BANK1: variants seen among roughly 807,000 people sequenced by gnomAD.
BANK1 encodes the protein B cell scaffold protein with ankyrin repeats 1.
In BANK1, 95 loss-of-function variants were observed where a neutral mutation model predicts 94.5. The ratio of observed to expected loss-of-function variants is 1.00; its 90% CI spans 0.85 to 1.19. The LOEUF (loss-of-function observed/expected upper bound fraction) is 1.19, where lower values mean the gene tolerates loss of function less well. BANK1 is among the 50% of genes most tolerant of loss of function. BANK1 has a pLI of 0.00. For synonymous variants in BANK1, 334 were observed against 308.4 expected, an observed-to-expected ratio of 1.08 and a Z score of -0.87; for missense variants, 987 against 932.2, an observed-to-expected ratio of 1.06 and a Z score of -0.77.
At chr4:101,870,737 G>A (rs1728254928) in intron 5 of BANK1, 93 bp downstream of exon 5, 2 of 1,405,516 alleles carry the variant, frequency 1.4e-6, no homozygotes, top group East Asian at 2.5e-5. Flanking sequence ...GTTTGAATGT[G>A]GATTGAATAA....
intron 5 of BANK1, among the ~76,000 whole-genome samples, chr4:101,875,527 C>G (rs984871689): frequency 5.9e-5 from 9 of 152,016 alleles, no homozygotes; most frequent in Non-Finnish European, 1.2e-4. Flanking sequence ...ATTTTTAAAC[C>G]ATCAGATCTC....
intron 13 of BANK1, among the ~76,000 whole-genome samples, 179 bp from the exon 14 acceptor site, chr4:102,071,096 G>T (rs1272183227): frequency 2.6e-5 from 4 of 152,072 alleles, no homozygotes; most frequent in Non-Finnish European, 5.9e-5. Context: ...AAAAGGCATG[G>T]TTTCACTCAC....
At chr4:102,009,835 A>G (rs1425181982) in intron 7 of BANK1, among the ~76,000 whole-genome samples, 1 of 152,164 alleles carries the variant, frequency 6.6e-6, no homozygotes, top group Non-Finnish European at 1.5e-5. Flanking sequence ...TATATCATAT[A>G]AATTATACAT....
At chr4:102,053,512 A>G (rs1316351907) in intron 11 of BANK1, among the ~76,000 whole-genome samples, 1 of 152,132 alleles carries the variant, frequency 6.6e-6, no homozygotes, top group African/African-American at 2.4e-5. Flanking sequence ...TAAGAAGTTT[A>G]TATTTAGTCA....
At chr4:101,871,144 A>G (rs1204395829) in intron 5 of BANK1, among the ~76,000 whole-genome samples, 2 of 152,072 alleles carry the variant, frequency 1.3e-5, no homozygotes, top group African/African-American at 4.8e-5. Flanking sequence ...TCTTAGTTTC[A>G]TTTATCATTG....
At chr4:101,926,586 C>T (rs533818475) in intron 7 of BANK1, among the ~76,000 whole-genome samples, 79 of 151,752 alleles carry the variant, frequency 5.2e-4, no homozygotes, top group Admixed American at 1.4e-3. Context: ...AAAACTCCTA[C>T]CCTAATGGGA....
intron 2 of BANK1, among the ~76,000 whole-genome samples, chr4:101,835,505 C>T (rs1417322911): frequency 6.6e-6 from 1 of 151,674 alleles, no homozygotes; most frequent in Non-Finnish European, 1.5e-5. Flanking sequence ...TTTTGTTTTT[C>T]TGTTACCAAA....
At position 101,813,784 on chromosome 4, in the gene BANK1, G is replaced by A. The variant is rs533993884; in HGVS notation, c.71-16024G>A. On this transcript the variant is annotated intron_variant, in intron 1 of 16. Transcript: ENST00000322953. The stretch of plus-strand genomic sequence containing the variant: ...GCAGGAGGCCTTGGGGAGCTTCTGC[G>A]GGTGGTAGGAGACACACTTTGCTAG... 8.4e-5 allele frequency: 67 copies of A among 797,192 alleles called. No homozygotes were observed. In the Admixed American group the frequency reaches 1.3e-3, roughly 16 times the overall value. The allele number at this position is 797,192 out of a possible 1,614,324, so 49.4% of individuals were successfully genotyped here.
chr4:101,813,235 A>G (rs1285843114), intron 1 of BANK1, among the ~76,000 whole-genome samples: 1 of 152,206 alleles, frequency 6.6e-6, no homozygotes, highest in Non-Finnish European at 1.5e-5. Flanking sequence ...ACTTTGGTGA[A>G]TTAAGGTAGA....
chr4:102,009,072 G>A (rs1019674374), intron 7 of BANK1, among the ~76,000 whole-genome samples: 2 of 152,238 alleles, frequency 1.3e-5, no homozygotes, highest in African/African-American at 2.4e-5. Context: ...CAAATGCCAG[G>A]ATTGCTGTGT....
Position 101,867,943 on chromosome 4 carries a change from A to G in BANK1, c.764-2562A>G, listed in dbSNP as rs573667217. Reference sequence around the variant, plus strand: ...TTACAAGTATGAGAGATATAACCCAACCACGTTAGTGAAGCCAAGTAAGAA... The same window carrying G: ...TTACAAGTATGAGAGATATAACCCAGCCACGTTAGTGAAGCCAAGTAAGAA... On this transcript the variant is annotated intron_variant, in intron 4 of 16. Transcript: ENST00000322953. Among the ~76,000 whole-genome samples, 70 of 151,998 alleles carry G rather than the reference A, an allele frequency of 4.6e-4. 1 individual carries two copies. The South Asian group carries it at 0.014, about 31-fold the overall frequency.
chr4:101,828,446 A>C (rs1223394563), intron 1 of BANK1, among the ~76,000 whole-genome samples: 1 of 150,736 alleles, frequency 6.6e-6, no homozygotes, highest in Non-Finnish European at 1.5e-5. Flanking sequence ...CAAGATATAG[A>C]CCATATCCAG....
At chr4:101,956,921 G>C (rs572656327) in intron 7 of BANK1, among the ~76,000 whole-genome samples, 1 of 152,218 alleles carries the variant, frequency 6.6e-6, no homozygotes, top group East Asian at 1.9e-4. Flanking sequence ...TTTAAAAATA[G>C]GGTCCTTGCC....
intron 7 of BANK1, among the ~76,000 whole-genome samples, chr4:101,978,031 T>C (rs1178142943): frequency 2.6e-5 from 4 of 152,022 alleles, no homozygotes; most frequent in Non-Finnish European, 5.9e-5. Flanking sequence ...TGGTGCAATC[T>C]TGGCTCACTG....
chr4:102,043,796 A>T lies in BANK1; in HGVS notation c.1901-43A>T, dbSNP rs746013873. 6.0e-6 allele frequency: 8 copies of T among 1,338,424 alleles called. No homozygotes were observed. In the East Asian group the frequency reaches 1.9e-4, roughly 31 times the overall value. 82.9% of individuals were successfully genotyped at this position (1,338,424 alleles called of 1,614,324 possible). ...AGACTTCTACAGTATGGATTTTTTG[A>T]ACGTTTATGTTCAGTAAATAATATG... On this transcript the variant is annotated intron_variant, in intron 10 of 16. Transcript: ENST00000322953.
intron 7 of BANK1, among the ~76,000 whole-genome samples, chr4:101,990,615 C>T (rs1329429101): frequency 1.3e-5 from 2 of 152,126 alleles, no homozygotes; most frequent in Non-Finnish European, 2.9e-5. Flanking sequence ...TTAGGAGCTG[C>T]AGAAGCAGTC....
intron 6 of BANK1, among the ~76,000 whole-genome samples, chr4:101,898,371 C>A (rs1722163135): frequency 6.6e-6 from 1 of 151,974 alleles, no homozygotes; most frequent in Admixed American, 6.6e-5. Flanking sequence ...TGGTGGGTTG[C>A]TGAAGAACCT....
At chr4:101,822,543 T>G (rs2148860124) in intron 1 of BANK1, among the ~76,000 whole-genome samples, 1 of 152,294 alleles carries the variant, frequency 6.6e-6, no homozygotes, top group East Asian at 1.9e-4. Context: ...TATAGTTTTT[T>G]GATCACAGCA....
At chr4:102,057,971 C>T (rs1205919930) in intron 11 of BANK1, among the ~76,000 whole-genome samples, 2 of 152,056 alleles carry the variant, frequency 1.3e-5, no homozygotes, top group East Asian at 3.8e-4. Flanking sequence ...TTTGATACTG[C>T]TAAAATTTTA....
Sources: allele counts gnomAD v4.1 joint callset (sites outside exome capture counted in the v4.1 genomes callset), GRCh38; gene constraint gnomAD v4.1.1; transcripts MANE v1.5; gene names NCBI Gene and HGNC (gene_info 2026-07-23, HGNC 2026-07-21).